NPAS3: variants seen among roughly 807,000 people sequenced by gnomAD.
The protein encoded by NPAS3 is neuronal PAS domain-containing protein 3.
Under a neutral mutation model 73.1 loss-of-function variants are expected in NPAS3, and 14 were observed. The observed-to-expected ratio is 0.19, with a 90% CI of 0.13 to 0.30. NPAS3 has a LOEUF of 0.30. Among genes scored for constraint, NPAS3 ranks in the 10% least tolerant of loss-of-function variants. The pLI is 1.00. For missense variants in NPAS3, 1,096 were observed against 1,250.0 expected (o/e 0.88, Z 1.86); for synonymous variants, 620 against 541.5 (o/e 1.14, Z -2.01).
intron 8 of NPAS3, 39 bp downstream of exon 8, chr14:33,774,569 G>A (rs767346434): frequency 5.3e-6 from 8 of 1,523,292 alleles, no homozygotes; most frequent in Middle Eastern, 1.9e-4. Context: ...GTTGCACGTT[G>A]CACATTGGTG....
intron 3 of NPAS3, among the ~76,000 whole-genome samples, chr14:33,329,389 C>T (rs955081437): frequency 6.6e-6 from 1 of 152,100 alleles, no homozygotes; most frequent in Non-Finnish European, 1.5e-5. Flanking sequence ...AGGTAACCTA[C>T]TAGGGACAGA....
At chr14:33,169,509 A>C (rs1595596980) in intron 2 of NPAS3, among the ~76,000 whole-genome samples, 2 of 152,220 alleles carry the variant, frequency 1.3e-5, no homozygotes, top group East Asian at 3.8e-4. Flanking sequence ...CGGAGGTTGC[A>C]GTGAGCCGAG....
intron 8 of NPAS3, among the ~76,000 whole-genome samples, chr14:33,776,242 G>A (rs1001427885): frequency 6.6e-6 from 1 of 152,072 alleles, no homozygotes; most frequent in Non-Finnish European, 1.5e-5. Context: ...AGGGAAGACA[G>A]ACATCAAATC....
chr14:33,613,688 G>A (rs1323231005), intron 5 of NPAS3, among the ~76,000 whole-genome samples: 1 of 151,986 alleles, frequency 6.6e-6, no homozygotes, highest in Non-Finnish European at 1.5e-5. Context: ...CTCATCCTTC[G>A]CACCCTCCTC....
intron 9 of NPAS3, among the ~76,000 whole-genome samples, chr14:33,781,435 T>C (rs2062975900): frequency 6.6e-6 from 1 of 152,218 alleles, no homozygotes; most frequent in Non-Finnish European, 1.5e-5. Context: ...GACCATGTAA[T>C]AAGTCTTGGT....
At chr14:33,245,111 G>GT (rs1246489202) in intron 3 of NPAS3, among the ~76,000 whole-genome samples, 5 of 152,120 alleles carry the variant, frequency 3.3e-5, no homozygotes, top group Admixed American at 3.3e-4. Context: ...GGTGGTATGA[G>GT]TGGGGCTATA....
intron 3 of NPAS3, among the ~76,000 whole-genome samples, chr14:33,360,292 T>C (rs2045536081): frequency 6.6e-6 from 1 of 152,142 alleles, no homozygotes; most frequent in African/African-American, 2.4e-5. Flanking sequence ...CTATATTCTT[T>C]ATTCTGAAGT....
intron 2 of NPAS3, among the ~76,000 whole-genome samples, chr14:33,154,070 C>A (rs1015582653): frequency 2.0e-5 from 3 of 152,252 alleles, no homozygotes; most frequent in Non-Finnish European, 4.4e-5. Flanking sequence ...ATTTAGAGAT[C>A]TCTTTATGGA....
At chr14:33,026,925 A>G (rs192684554) in intron 1 of NPAS3, among the ~76,000 whole-genome samples, 13 of 152,120 alleles carry the variant, frequency 8.5e-5, no homozygotes, top group Admixed American at 7.2e-4. Flanking sequence ...TATTCATTTT[A>G]TTATGGAGTT....
intron 2 of NPAS3, among the ~76,000 whole-genome samples, chr14:33,195,830 A>G (rs543839549): frequency 1.3e-5 from 2 of 152,334 alleles, no homozygotes; most frequent in East Asian, 1.9e-4. Flanking sequence ...CCTGAAGGAA[A>G]GTCAGGTTGA....
intron 2 of NPAS3, among the ~76,000 whole-genome samples, chr14:33,175,455 T>A (rs2045552840): frequency 6.6e-6 from 1 of 152,178 alleles, no homozygotes; most frequent in Non-Finnish European, 1.5e-5. Context: ...CCTACTTGTT[T>A]CAAAAGGAAA....
intron 5 of NPAS3, among the ~76,000 whole-genome samples, chr14:33,667,858 T>C (rs2059498902): frequency 6.6e-6 from 1 of 152,206 alleles, no homozygotes; most frequent in African/African-American, 2.4e-5. Context: ...GCTAACCACC[T>C]ATATTCTACA....
At chr14:33,657,677 G>T (rs80136104) in intron 5 of NPAS3, among the ~76,000 whole-genome samples, 1 of 152,140 alleles carries the variant, frequency 6.6e-6, no homozygotes, top group Non-Finnish European at 1.5e-5. Context: ...CCCTAGACCC[G>T]GTTGCTGGTG....
In NPAS3 at chr14:33,059,884, G is replaced by A. The variant is rs7149709; in HGVS notation, c.140+3890G>A. ...TGCAATCATAGCTCACTGCAGCCTC[G>A]AACTCCTGGGCTCAAGCTCCCAAGT... On this transcript the variant is annotated intron_variant, in intron 2 of 11. Coordinates refer to ENST00000356141, the Ensembl canonical transcript of NPAS3. Among the ~76,000 whole-genome samples, 5 of 152,186 alleles carry A rather than the reference G, an allele frequency of 3.3e-5. No individual in the cohort carries two copies. The East Asian group carries it at 5.8e-4, about 18-fold the overall frequency.
chr14:33,046,528 C>G (rs1285293706), intron 1 of NPAS3, among the ~76,000 whole-genome samples: 2 of 152,122 alleles, frequency 1.3e-5, no homozygotes, highest in Non-Finnish European at 2.9e-5. Flanking sequence ...TAAGAAGTGA[C>G]TTTGCCAAGA....
At chr14:33,506,901 T>G (rs554346806) in intron 4 of NPAS3, among the ~76,000 whole-genome samples, 5 of 152,164 alleles carry the variant, frequency 3.3e-5, no homozygotes, top group African/African-American at 1.2e-4. Flanking sequence ...TTCTTGACTT[T>G]TAAAATTTCC....
intron 1 of NPAS3, among the ~76,000 whole-genome samples, chr14:33,040,882 T>G (rs2040327275): frequency 6.6e-6 from 1 of 152,246 alleles, no homozygotes; most frequent in East Asian, 1.9e-4. Context: ...CACAGTGATG[T>G]TTTTCCCCCA....
chr14:33,762,185 T>A (rs1030900930), intron 7 of NPAS3, among the ~76,000 whole-genome samples: 1 of 152,230 alleles, frequency 6.6e-6, no homozygotes, highest in Admixed American at 6.5e-5. Context: ...GACAACTGTA[T>A]TGTATGCTAA....
At chr14:33,603,277 G>A (rs755455661) in intron 5 of NPAS3, among the ~76,000 whole-genome samples, 1 of 152,102 alleles carries the variant, frequency 6.6e-6, no homozygotes, top group East Asian at 1.9e-4. Flanking sequence ...AAACATACCA[G>A]TAGAAACTAT....
Sources: gnomAD v4.1 joint callset for allele counts (sites outside exome capture counted in the v4.1 genomes callset) on GRCh38, gnomAD v4.1.1 for gene constraint, MANE v1.5 for transcripts, NCBI Gene and HGNC (gene_info 2026-07-23, HGNC 2026-07-21) for gene names.